Variants in E2F3 observed in about 807,000 individuals in gnomAD.
E2F3 encodes transcription factor E2F3.
In E2F3, 11 loss-of-function variants were observed where a neutral mutation model predicts 44.4. That is an observed-to-expected ratio of 0.25 (90% confidence interval 0.16 to 0.41). E2F3 has a LOEUF of 0.41. Among genes scored for constraint, E2F3 ranks in the 10% least tolerant of loss-of-function variants. The probability of loss-of-function intolerance (pLI) is 1.00; values close to 1 mark genes in which losing one functional copy is unlikely to be tolerated. For synonymous variants in E2F3, 249 were observed against 253.0 expected (o/e 0.98, Z 0.15); for missense variants, 487 against 583.6 (o/e 0.83, Z 1.70).
Position 20,492,001 on chromosome 6 carries a change from A to C in E2F3, c.*1571A>C, listed in dbSNP as rs1762565970. ...GTAGTATCTCCGGTCCATTCCTTGG[A>C]TGCTAAGGACTGCGGGAATGAGGGA... On this transcript the variant is annotated 3_prime_UTR_variant, in exon 7 of 7. Transcript: ENST00000346618. The C allele has an allele frequency of 5.3e-6, 1 of 189,270 alleles. No homozygotes were observed. The highest frequency in any genetic ancestry group is 8.3e-5 in the East Asian group (1 of 12,002). 11.7% of individuals were successfully genotyped at this position (189,270 alleles called of 1,614,324 possible).
At position 20,402,137 on chromosome 6, in the gene E2F3, AAGG is replaced by A. The variant is rs113655873; in HGVS notation, c.-90_-88del. 9.1e-5 allele frequency: 132 copies of A among 1,445,308 alleles called. No homozygotes were observed. The highest frequency in any genetic ancestry group is 3.8e-4 in the African/African-American group (26 of 67,820). The allele number at this position is 1,445,308 out of a possible 1,614,324, so 89.5% of individuals were successfully genotyped here. On this transcript the variant is annotated 5_prime_UTR_variant, in exon 1 of 7. Transcript: ENST00000346618. The surrounding 1 kb of genome is among the most constrained non-coding windows in gnomAD (Gnocchi z 5.6). ...CGGAAGCGCCGGGCGGGGAGGAGAGAAGGAGGAGAGACTTGGAAACTCCGACTG... is the reference window on the plus strand; with the variant it reads ...CGGAAGCGCCGGGCGGGGAGGAGAGAAGGAGAGACTTGGAAACTCCGACTG...
Position 20,488,120 on chromosome 6 carries a change from A to G in E2F3, c.1007A>G (p.Gln336Arg). The change falls in exon 6 of 7, where the codon CAA (glutamine) becomes CGA (arginine). Residue 336 changes from glutamine to arginine, a missense_variant. Coordinates refer to ENST00000346618, the MANE Select transcript of E2F3 (RefSeq NM_001949.5). ...TCCCACTTCTGTTCATAGAGCCTACAAATACATTTGGCAAGTACCCAAGGG... is the reference window on the plus strand; with the variant it reads ...TCCCACTTCTGTTCATAGAGCCTACGAATACATTTGGCAAGTACCCAAGGG... Reference protein sequence around the residue: ...LEVPDSIESLQIHLASTQGPI... With the variant: ...LEVPDSIESLRIHLASTQGPI... The G allele has an allele frequency of 6.2e-7, 1 of 1,614,064 alleles. No individual in the cohort carries two copies. Among genetic ancestry groups the G allele is most frequent in the Non-Finnish European group, 8.5e-7 (1 of 1,180,024 alleles).
intron 1 of E2F3, among the ~76,000 whole-genome samples, chr6:20,428,159 C>T (rs968232523): frequency 2.0e-5 from 3 of 152,228 alleles, no homozygotes; most frequent in Non-Finnish European, 2.9e-5. Context: ...TTTAAAATCT[C>T]ACCAGCTGCG....
At chr6:20,425,209 A>G (rs1760173501) in intron 1 of E2F3, among the ~76,000 whole-genome samples, 1 of 152,100 alleles carries the variant, frequency 6.6e-6, no homozygotes, top group Non-Finnish European at 1.5e-5. Context: ...GTGAGTGGGG[A>G]GAGAAATTAT....
intron 5 of E2F3, 69 bp from the exon 6 acceptor site, chr6:20,488,044 A>G: frequency 6.3e-7 from 1 of 1,590,868 alleles, no homozygotes; most frequent in Non-Finnish European, 8.6e-7. Context: ...CCATTTTTAG[A>G]CAAGAATTAC....
intron 1 of E2F3, among the ~76,000 whole-genome samples, chr6:20,403,496 C>A (rs1156715143): frequency 6.6e-6 from 1 of 152,110 alleles, no homozygotes; most frequent in African/African-American, 2.4e-5. Context: ...CCGCCTGGGT[C>A]TGTCCCTCTC....
intron 6 of E2F3, 21 bp downstream of exon 6, chr6:20,488,269 T>G (rs374995713): frequency 1.3e-5 from 20 of 1,566,142 alleles, no homozygotes; most frequent in Middle Eastern, 1.7e-4. Context: ...CACTTTTGTC[T>G]TTTAGAAACT....
chr6:20,474,826 C>T (rs1320534828), intron 1 of E2F3, among the ~76,000 whole-genome samples: 1 of 152,210 alleles, frequency 6.6e-6, no homozygotes, highest in Admixed American at 6.5e-5. Flanking sequence ...AGATCTGAGA[C>T]CAAACAGGTA....
chr6:20,406,856 G>A (rs906787775), intron 1 of E2F3, among the ~76,000 whole-genome samples: 4 of 152,236 alleles, frequency 2.6e-5, no homozygotes, highest in African/African-American at 9.6e-5. Context: ...TGTTGGAAAT[G>A]TAAGAACTCC....
At chr6:20,459,834 TG>T (rs961736091) in intron 1 of E2F3, among the ~76,000 whole-genome samples, 28 of 152,064 alleles carry the variant, frequency 1.8e-4, no homozygotes, top group African/African-American at 6.5e-4. Flanking sequence ...CCCAGCTACT[TG>T]GGGGGTCGAG....
At chr6:20,475,117 G>A (rs1245437783) in intron 1 of E2F3, among the ~76,000 whole-genome samples, 1 of 152,200 alleles carries the variant, frequency 6.6e-6, no homozygotes, top group Non-Finnish European at 1.5e-5. Flanking sequence ...TTTCCTTAGA[G>A]GTTCAACATC....
In E2F3 at chr6:20,490,057, T is replaced by A; in HGVS notation, c.1136-111T>A. On this transcript the variant is annotated intron_variant, in intron 6 of 6. Coordinates refer to ENST00000346618, the MANE Select transcript of E2F3 (RefSeq NM_001949.5). The surrounding 1 kb of genome is among the most constrained non-coding windows in gnomAD (Gnocchi z 4.3). ...CATCATAAAGTCGTCTCATTGTCAT[T>A]ATTTGCGGAAGGTACATGCTTTTTT... 1 of 1,224,408 alleles carries A rather than the reference T, an allele frequency of 8.2e-7. No individual in the cohort carries two copies. The highest frequency in any genetic ancestry group is 1.1e-6 in the Non-Finnish European group (1 of 891,194). The allele number at this position is 1,224,408 out of a possible 1,614,324, so 75.8% of individuals were successfully genotyped here.
chr6:20,447,962 A>G (rs1761004764), intron 1 of E2F3, among the ~76,000 whole-genome samples: 1 of 152,224 alleles, frequency 6.6e-6, no homozygotes, highest in African/African-American at 2.4e-5. Flanking sequence ...TTAGAGCCAT[A>G]TCAAGGACTA....
intron 1 of E2F3, among the ~76,000 whole-genome samples, chr6:20,449,774 C>T (rs1025608547): frequency 1.2e-4 from 19 of 152,192 alleles, no homozygotes; most frequent in African/African-American, 4.6e-4. Context: ...CCTCCTCCCA[C>T]TCTCCACCTT....
At chr6:20,424,399 G>A (rs1760140153) in intron 1 of E2F3, among the ~76,000 whole-genome samples, 1 of 151,972 alleles carries the variant, frequency 6.6e-6, no homozygotes, top group Non-Finnish European at 1.5e-5. Flanking sequence ...GTGTGTGTGT[G>A]TGTGTGTGTG....
At chr6:20,435,581 T>C (rs958773324) in intron 1 of E2F3, among the ~76,000 whole-genome samples, 8 of 152,142 alleles carry the variant, frequency 5.3e-5, no homozygotes, top group African/African-American at 1.9e-4. Context: ...TGAAACCCTG[T>C]CTTTACTAAA....
intron 2 of E2F3, 32 bp from the exon 3 acceptor site, chr6:20,481,174 C>A (rs1034734922): frequency 3.7e-6 from 6 of 1,604,686 alleles, no homozygotes; most frequent in Non-Finnish European, 5.1e-6. Context: ...TCCCCCTATC[C>A]CCCACCCGCT....
intron 1 of E2F3, among the ~76,000 whole-genome samples, chr6:20,434,922 G>A (rs537670919): frequency 2.0e-5 from 3 of 152,328 alleles, no homozygotes; most frequent in African/African-American, 4.8e-5. Flanking sequence ...AGCCTAGAGG[G>A]TGACTGGCTG....
In E2F3 at chr6:20,481,186, G is replaced by C; in HGVS notation, c.506-20G>C. 1 of 1,611,688 alleles carries C rather than the reference G, an allele frequency of 6.2e-7. No individual in the cohort carries two copies. Among genetic ancestry groups the C allele is most frequent in the Non-Finnish European group, 8.5e-7 (1 of 1,178,410 alleles). On this transcript the variant is annotated intron_variant, in intron 2 of 6. Transcript: ENST00000346618. ...CTTTCCCCCTATCCCCCACCCGCTC[G>C]GTTTTTGTTTTTCTTTAAGCTCCAA...
Sources: gnomAD v4.1 joint callset for allele counts (sites outside exome capture counted in the v4.1 genomes callset) on GRCh38, gnomAD v4.1.1 for gene constraint, Gnocchi (gnomAD v3.1) non-coding constraint, MANE v1.5 for transcripts, NCBI Gene and HGNC (gene_info 2026-07-23, HGNC 2026-07-21) for gene names.